Variants in ARHGAP28 observed in about 807,000 individuals in gnomAD.
ARHGAP28 encodes Rho GTPase activating protein 28.
A neutral mutation model predicts 90.7 loss-of-function variants in ARHGAP28; 56 were observed. The observed-to-expected ratio is 0.62, with a 90% CI of 0.50 to 0.77. ARHGAP28 has a LOEUF of 0.77. ARHGAP28 is among the 30% of genes least tolerant of loss of function. ARHGAP28 has a pLI of 0.00. For synonymous variants in ARHGAP28, 308 were observed against 323.3 expected, an observed-to-expected ratio of 0.95 and a Z score of 0.51; for missense variants, 869 against 900.9, an observed-to-expected ratio of 0.96 and a Z score of 0.45.
intron 4 of ARHGAP28, among the ~76,000 whole-genome samples, chr18:6,858,174 G>A (rs1255584300): frequency 1.3e-5 from 2 of 151,832 alleles, no homozygotes; most frequent in African/African-American, 4.8e-5. Context: ...TTTTTCCTTG[G>A]GTTATATTTA....
intron 3 of ARHGAP28, among the ~76,000 whole-genome samples, chr18:6,849,410 T>A (rs186867443): frequency 3.3e-4 from 51 of 152,300 alleles, no homozygotes; most frequent in African/African-American, 1.2e-3. Flanking sequence ...CACTGTCCTG[T>A]CCTGCAGAAG....
intron 1 of ARHGAP28, among the ~76,000 whole-genome samples, chr18:6,737,370 A>AT (rs2055937777): frequency 6.6e-6 from 1 of 152,124 alleles, no homozygotes; most frequent in South Asian, 2.1e-4. Context: ...AATAGTCTAT[A>AT]TTGGTATATT....
At chr18:6,843,296 G>A (rs751131816) in intron 3 of ARHGAP28, among the ~76,000 whole-genome samples, 1 of 152,244 alleles carries the variant, frequency 6.6e-6, no homozygotes, top group Middle Eastern at 3.4e-3. Context: ...GTTAACTACT[G>A]CCGCTCTTCA....
intron 15 of ARHGAP28, among the ~76,000 whole-genome samples, chr18:6,895,903 A>G (rs781435658): frequency 1.3e-5 from 2 of 152,174 alleles, no homozygotes; most frequent in African/African-American, 2.4e-5. Context: ...ATTTATATAA[A>G]TCGTGTACAT....
chr18:6,814,515 T>A (rs1226530094), intron 1 of ARHGAP28, among the ~76,000 whole-genome samples: 2 of 152,200 alleles, frequency 1.3e-5, no homozygotes, highest in Admixed American at 6.5e-5. Flanking sequence ...TAGGTAATAA[T>A]GGCAATAAAT....
intron 1 of ARHGAP28, among the ~76,000 whole-genome samples, chr18:6,745,064 A>C (rs1004311419): frequency 6.6e-6 from 1 of 152,272 alleles, no homozygotes; most frequent in East Asian, 1.9e-4. Flanking sequence ...AATTTAAATT[A>C]AAGTGGAGAG....
intron 1 of ARHGAP28, among the ~76,000 whole-genome samples, chr18:6,739,894 G>C (rs939814052): frequency 7.6e-6 from 1 of 130,760 alleles, no homozygotes; most frequent in Admixed American, 8.6e-5. Context: ...CACTCTCGTT[G>C]TCCAGGCTTG....
At chr18:6,838,582 A>C (rs1420405705) in intron 3 of ARHGAP28, among the ~76,000 whole-genome samples, 2 of 152,242 alleles carry the variant, frequency 1.3e-5, no homozygotes, top group African/African-American at 4.8e-5. Context: ...CTCCAGATAC[A>C]TATGACTACC....
rs369622522 is a variant in ARHGAP28 at position 6,841,208 on chromosome 18, CCTCTCTCT to C, written c.543+3802_543+3809del. Among the ~76,000 whole-genome samples the C allele has an allele frequency of 1.9e-4, 8 of 43,136 alleles. No individual in the cohort carries two copies. The East Asian group carries it at 4.6e-3, about 25-fold the overall frequency. 28.3% of individuals were successfully genotyped at this position (43,136 alleles called of 152,430 possible). A position where few individuals can be genotyped will look rare whatever the true frequency, so the allele number is the denominator to read the frequency against. On this transcript the variant is annotated intron_variant, in intron 3 of 17. Coordinates refer to ENST00000383472, the MANE Select transcript of ARHGAP28 (RefSeq NM_001366230.1). ...CTCTCTCTCTCTCTCTCTCTCCTCTCCTCTCTCTCTCTCTCCCCCCAACCCGCCCCCAC... is the reference window on the plus strand; with the variant it reads ...CTCTCTCTCTCTCTCTCTCTCCTCTCCTCTCTCCCCCCAACCCGCCCCCAC...
intron 5 of ARHGAP28, 67 bp downstream of exon 5, chr18:6,859,964 G>A: frequency 2.2e-6 from 3 of 1,356,110 alleles, no homozygotes; most frequent in South Asian, 2.4e-5. Flanking sequence ...ACTAATGTAG[G>A]AAGGTAAGAA....
chr18:6,866,106 C>T (rs1439657486), intron 5 of ARHGAP28, among the ~76,000 whole-genome samples: 2 of 152,198 alleles, frequency 1.3e-5, no homozygotes, highest in Admixed American at 6.5e-5. Flanking sequence ...GCTCAACCTA[C>T]ATCCCAACTC....
chr18:6,782,963 G>GC (rs2056337359), intron 1 of ARHGAP28, among the ~76,000 whole-genome samples: 1 of 152,022 alleles, frequency 6.6e-6, no homozygotes. Context: ...CTAAAAAGGA[G>GC]CAGGAGGGTT....
At chr18:6,791,505 T>C (rs975346903) in intron 1 of ARHGAP28, 1 of 152,202 alleles carries the variant, frequency 6.6e-6, no homozygotes, top group Non-Finnish European at 1.5e-5. Flanking sequence ...ATATAATAAG[T>C]ATTTAAATAT....
chr18:6,912,179 A>G lies in ARHGAP28; in HGVS notation c.*25A>G. ...AAATATCCTCGAGAGAGCTGCTATC[A>G]TGTATTATATGCCAAAAAGATCCTA... On this transcript the variant is annotated 3_prime_UTR_variant, in exon 18 of 18. Coordinates refer to ENST00000383472, the MANE Select transcript of ARHGAP28 (RefSeq NM_001366230.1). 1.5e-6 allele frequency: 2 copies of G among 1,359,918 alleles called. No homozygotes were observed. Among genetic ancestry groups the G allele is most frequent in the Non-Finnish European group, 2.1e-6 (2 of 966,754 alleles). The allele number at this position is 1,359,918 out of a possible 1,614,324, so 84.2% of individuals were successfully genotyped here.
At chr18:6,894,768 T>G in intron 14 of ARHGAP28, 67 bp from the exon 15 acceptor site, 1 of 1,379,480 alleles carries the variant, frequency 7.2e-7, no homozygotes, top group East Asian at 2.4e-5. Flanking sequence ...TTGTACCAGT[T>G]TACACTTCCA....
intron 1 of ARHGAP28, among the ~76,000 whole-genome samples, chr18:6,802,706 TA>T (rs1158318714): frequency 6.6e-6 from 1 of 152,184 alleles, no homozygotes; most frequent in Non-Finnish European, 1.5e-5. Context: ...GTGACTGTAC[TA>T]ATTTACATAA....
chr18:6,825,408 A>C (rs1239502352), intron 2 of ARHGAP28, among the ~76,000 whole-genome samples: 1 of 152,198 alleles, frequency 6.6e-6, no homozygotes, highest in East Asian at 1.9e-4. Context: ...AAGAAGAAAA[A>C]TTTGACCTTA....
chr18:6,747,831 T>G (rs1020832304), intron 1 of ARHGAP28, among the ~76,000 whole-genome samples: 12 of 152,274 alleles, frequency 7.9e-5, no homozygotes, highest in Non-Finnish European at 1.5e-4. Context: ...CATACATAGC[T>G]CTTACCCCCA....
At chr18:6,893,944 G>A (rs954767572) in intron 14 of ARHGAP28, among the ~76,000 whole-genome samples, 1 of 144,772 alleles carries the variant, frequency 6.9e-6, no homozygotes, top group Non-Finnish European at 1.5e-5. Context: ...TCGGCTCGCT[G>A]CAACCTCCAC....
Sources: allele counts gnomAD v4.1 joint callset (sites outside exome capture counted in the v4.1 genomes callset), GRCh38; gene constraint gnomAD v4.1.1; transcripts MANE v1.5; gene names NCBI Gene and HGNC (gene_info 2026-07-23, HGNC 2026-07-21).